The following DOCK8 variants were observed in gnomAD, a reference collection of about 807,000 sequenced individuals.
The protein encoded by DOCK8 is dedicator of cytokinesis 8.
DOCK8 carries 141 observed loss-of-function variants against 245.6 expected under a neutral mutation model. The observed-to-expected ratio is 0.57, with a 90% CI of 0.50 to 0.66. The LOEUF is 0.66. DOCK8 is among the 30% of genes least tolerant of loss of function. DOCK8 has a pLI of 0.00. For synonymous variants in DOCK8, 1,168 were observed against 970.2 expected, an observed-to-expected ratio of 1.20 and a Z score of -3.79; for missense variants, 2,965 against 2,603.4, an observed-to-expected ratio of 1.14 and a Z score of -3.02.
intron 10 of DOCK8, among the ~76,000 whole-genome samples, chr9:333,827 G>A (rs943241418): frequency 5.9e-5 from 9 of 152,048 alleles, no homozygotes; most frequent in Admixed American, 5.9e-4. Flanking sequence ...GTGACTTTTG[G>A]AGAAACAGGT....
chr9:249,291 G>A (rs2047591676), intron 1 of DOCK8, among the ~76,000 whole-genome samples: 1 of 152,118 alleles, frequency 6.6e-6, no homozygotes, highest in Non-Finnish European at 1.5e-5. Context: ...AATAAACTCT[G>A]CGAAGTGGAG....
intron 5 of DOCK8, among the ~76,000 whole-genome samples, chr9:308,694 G>C (rs747849074): frequency 3.9e-5 from 6 of 152,154 alleles, no homozygotes; most frequent in Non-Finnish European, 5.9e-5. Flanking sequence ...GTCTTGCTCT[G>C]TCGCCTAGGC....
chr9:401,253 A>G (rs2055085838), intron 26 of DOCK8, among the ~76,000 whole-genome samples: 1 of 152,256 alleles, frequency 6.6e-6, no homozygotes, highest in African/African-American at 2.4e-5. Flanking sequence ...GGATAGGACC[A>G]TAAAAAGCAG....
chr9:379,914 C>G lies in DOCK8; in HGVS notation c.2584C>G (p.Gln862Glu). The change falls in exon 21 of 48, where the codon CAA becomes GAA. Residue 862 changes from glutamine (Q) to glutamate (E), a missense_variant. Around this residue, in one of 3 missense-constraint regions of DOCK8, gnomAD observed 2,825 missense variants for 2,453.5 expected, o/e 1.15. Transcript: ENST00000432829. ...CTACGTCTTCCGCCTGCCAGAGGTG[C>G]AAAGGGATGTGCCCAAGTCAGGTAG... ...VHYVFRLPEV[Q>E]RDVPKSGAPT... 2 of 1,614,060 alleles carry G rather than the reference C, an allele frequency of 1.2e-6. No homozygotes were observed. The highest frequency in any genetic ancestry group is 8.5e-7 in the Non-Finnish European group (1 of 1,180,010).
chr9:408,856 C>G (rs531428892), intron 28 of DOCK8, among the ~76,000 whole-genome samples: 2 of 138,268 alleles, frequency 1.4e-5, no homozygotes, highest in Non-Finnish European at 3.1e-5. Context: ...TAGATACATT[C>G]TTCAAACACA....
chr9:229,697 A>G (rs1001701926), intron 1 of DOCK8, among the ~76,000 whole-genome samples: 2 of 152,122 alleles, frequency 1.3e-5, no homozygotes, highest in Non-Finnish European at 2.9e-5. Flanking sequence ...TGGGAGAATT[A>G]AAAATGAGTA....
At chr9:276,694 C>T (rs914326749) in intron 2 of DOCK8, among the ~76,000 whole-genome samples, 1 of 152,178 alleles carries the variant, frequency 6.6e-6, no homozygotes, top group Admixed American at 6.5e-5. Flanking sequence ...ATTGCCACAG[C>T]TGTGTGAATA....
intron 45 of DOCK8, among the ~76,000 whole-genome samples, chr9:451,622 A>G (rs962448614): frequency 3.9e-5 from 6 of 152,006 alleles, no homozygotes; most frequent in Non-Finnish European, 7.4e-5. Flanking sequence ...GACCCTGTCT[A>G]AAAAACAAAA....
chr9:341,572 CT>C (rs2051592106), intron 14 of DOCK8, among the ~76,000 whole-genome samples: 1 of 152,180 alleles, frequency 6.6e-6, no homozygotes, highest in African/African-American at 2.4e-5. Context: ...ACCTCCTAGA[CT>C]TTTATCATCA....
At chr9:232,355 C>G (rs2047136385) in intron 1 of DOCK8, among the ~76,000 whole-genome samples, 1 of 152,100 alleles carries the variant, frequency 6.6e-6, no homozygotes, top group Non-Finnish European at 1.5e-5. Flanking sequence ...GTCTAAAATT[C>G]TCTTTTTTGG....
In DOCK8 at chr9:303,142, A is replaced by G. The variant is rs143801856; in HGVS notation, c.405-1439A>G. Among the ~76,000 whole-genome samples the G allele has an allele frequency of 3.6e-3, 555 of 152,132 alleles. 1 individual carries two copies. Among genetic ancestry groups the G allele is most frequent in the African/African-American group, 0.013 (540 of 41,510 alleles). ...ACCACTGCACTCCATCCTGGGTAGCAGAACGAGACCCTGTCTCAAGAAAAA... is the reference window on the plus strand; with the variant it reads ...ACCACTGCACTCCATCCTGGGTAGCGGAACGAGACCCTGTCTCAAGAAAAA... On this transcript the variant is annotated intron_variant, in intron 4 of 47. Coordinates refer to ENST00000432829, the MANE Select transcript of DOCK8 (RefSeq NM_203447.4).
chr9:271,020 A>T (rs1271875273), intron 1 of DOCK8, among the ~76,000 whole-genome samples: 1 of 152,230 alleles, frequency 6.6e-6, no homozygotes, highest in African/African-American at 2.4e-5. Flanking sequence ...TCTCATGTGT[A>T]TGGCTCCCTA....
At chr9:247,989 A>AG (rs1157672782) in intron 1 of DOCK8, among the ~76,000 whole-genome samples, 1 of 151,808 alleles carries the variant, frequency 6.6e-6, no homozygotes, top group African/African-American at 2.4e-5. Context: ...AGTTAAAAAA[A>AG]AAAAAAAGAA....
chr9:214,790 T>C, upstream of DOCK8: 1 of 1,571,644 alleles, frequency 6.4e-7, no homozygotes, highest in Non-Finnish European at 8.6e-7. Context: ...CGGCCGTCGC[T>C]GCTCCGAGCT....
rs564919634 is a variant in DOCK8 at position 331,698 on chromosome 9, C to T, written c.1045-700C>T. 1.6e-4 allele frequency among the ~76,000 whole-genome samples: 25 copies of T among 152,292 alleles called. 1 individual carries two copies. Among genetic ancestry groups the T allele is most frequent in the African/African-American group, 6.0e-4 (25 of 41,562 alleles). On this transcript the variant is annotated intron_variant, in intron 9 of 47. Coordinates refer to ENST00000432829, the MANE Select transcript of DOCK8 (RefSeq NM_203447.4). ...GCCCAAATTTATGACAACTGGCCAG[C>T]CAGTCACTTTACCTGAAGCAAGACA...
chr9:289,027 A>G (rs2048935475), intron 3 of DOCK8, among the ~76,000 whole-genome samples: 1 of 152,204 alleles, frequency 6.6e-6, no homozygotes, highest in Non-Finnish European at 1.5e-5. Context: ...AACTGAATTA[A>G]TGATCACCAA....
At chr9:397,028 T>C (rs1461781692) in intron 25 of DOCK8, 94 bp downstream of exon 25, 6 of 1,345,898 alleles carry the variant, frequency 4.5e-6, no homozygotes, top group Middle Eastern at 3.7e-4. Context: ...TTTAAAACAA[T>C]AATTAAAATA....
In DOCK8 at chr9:238,108, T is replaced by A. The variant is rs1188799890; in HGVS notation, c.53+23079T>A. ...TATTCACCTTCTAATCATTGAATAATCTGTACAATCAGACTGCCTTATTCA... is the reference window on the plus strand; with the variant it reads ...TATTCACCTTCTAATCATTGAATAAACTGTACAATCAGACTGCCTTATTCA... On this transcript the variant is annotated intron_variant, in intron 1 of 47. Transcript: ENST00000432829. Among the ~76,000 whole-genome samples, 5 of 152,194 alleles carry A rather than the reference T, an allele frequency of 3.3e-5. 1 individual carries two copies. Among genetic ancestry groups the A allele is most frequent in the Admixed American group, 2.0e-4 (3 of 15,274 alleles).
At chr9:366,884 T>C (rs2053027601) in intron 14 of DOCK8, among the ~76,000 whole-genome samples, 1 of 152,202 alleles carries the variant, frequency 6.6e-6, no homozygotes, top group African/African-American at 2.4e-5. Flanking sequence ...AACTTGTCCC[T>C]GAGAGATGTC....
Sources: gnomAD v4.1 joint callset for allele counts (sites outside exome capture counted in the v4.1 genomes callset) on GRCh38, gnomAD v4.1.1 for gene constraint, gnomAD v4.1.1 regional missense constraint, MANE v1.5 for transcripts, NCBI Gene and HGNC (gene_info 2026-07-23, HGNC 2026-07-21) for gene names.